SKIC2: variants seen among roughly 807,000 people sequenced by gnomAD.
The protein encoded by SKIC2 is superkiller complex protein 2.
At chr6:31,968,554 G>T in the SKIC2 span, 2 of 1,604,814 alleles carry the variant, frequency 1.2e-6, no homozygotes, top group South Asian at 1.1e-5. This position sits in a 1 kb window ranked among gnomAD's most constrained non-coding sequence, Gnocchi z 6.1. Flanking sequence ...ACCCTGGGTG[G>T]TAACTCCCAA....
chr6:31,963,840 G>A, the SKIC2 span: 1 of 1,483,796 alleles, frequency 6.7e-7, no homozygotes, highest in East Asian at 2.3e-5. This position sits in a 1 kb window ranked among gnomAD's most constrained non-coding sequence, Gnocchi z 5.3. Flanking sequence ...CACTGCCCCA[G>A]TTAACACTAG....
the SKIC2 span, chr6:31,962,978 T>C: frequency 8.7e-6 from 14 of 1,601,380 alleles, no homozygotes; most frequent in South Asian, 1.4e-4. The surrounding 1 kb of genome is among the most constrained non-coding windows in gnomAD (Gnocchi z 5.0). Flanking sequence ...TCCCTCTCTG[T>C]GCCCAGCGTG....
chr6:31,963,721 G>A, the SKIC2 span: 3 of 1,546,236 alleles, frequency 1.9e-6, no homozygotes, highest in African/African-American at 1.4e-5. The surrounding 1 kb of genome is among the most constrained non-coding windows in gnomAD (Gnocchi z 5.3). Context: ...CACATCAGGG[G>A]GGCCCTGCAC....
At chr6:31,969,145 C>G in the SKIC2 span, 4 of 1,567,224 alleles carry the variant, frequency 2.6e-6, no homozygotes, top group Non-Finnish European at 2.6e-6. This position sits in a 1 kb window ranked among gnomAD's most constrained non-coding sequence, Gnocchi z 6.1. Flanking sequence ...TGACCTTCAC[C>G]TTCAGGTAGT....
At chr6:31,961,330 T>G in the SKIC2 span, 1 of 1,591,478 alleles carries the variant, frequency 6.3e-7, no homozygotes, top group Non-Finnish European at 8.5e-7. Flanking sequence ...TGTTTCAGCC[T>G]CTCCCTGCAG....
chr6:31,965,471 C>T, the SKIC2 span, among the ~76,000 whole-genome samples: 6 of 152,112 alleles, frequency 3.9e-5, no homozygotes, highest in African/African-American at 1.2e-4. This position sits in a 1 kb window ranked among gnomAD's most constrained non-coding sequence, Gnocchi z 5.6. Flanking sequence ...TACAAGCTCA[C>T]AAAAGAAGAC....
chr6:31,968,102 C>G, the SKIC2 span: 2,061 of 1,612,188 alleles, frequency 1.3e-3, 2 homozygotes, highest in Non-Finnish European at 1.6e-3. This position sits in a 1 kb window ranked among gnomAD's most constrained non-coding sequence, Gnocchi z 6.1. Flanking sequence ...GCTAGGGAGG[C>G]CCTTCTCCTC....
the SKIC2 span, chr6:31,959,552 G>A: frequency 3.1e-6 from 2 of 636,324 alleles, no homozygotes; most frequent in Non-Finnish European, 5.6e-6. Context: ...ACAGCCCAGT[G>A]TACCTGCAGT....
chr6:31,967,951 C>G, the SKIC2 span: 1 of 1,613,100 alleles, frequency 6.2e-7, no homozygotes, highest in Non-Finnish European at 8.5e-7. The surrounding 1 kb of genome is among the most constrained non-coding windows in gnomAD (Gnocchi z 4.9). Context: ...CTCCCCTTTT[C>G]ACAGGGCCTT....
the SKIC2 span, chr6:31,963,630 GC>G: frequency 6.5e-7 from 1 of 1,536,816 alleles, no homozygotes; most frequent in Non-Finnish European, 8.7e-7. The surrounding 1 kb of genome is among the most constrained non-coding windows in gnomAD (Gnocchi z 5.3). Context: ...CCCTCCCTGT[GC>G]CCCAGGTACT....
chr6:31,969,177 C>T, the SKIC2 span: 1 of 1,548,676 alleles, frequency 6.5e-7, no homozygotes. The surrounding 1 kb of genome is among the most constrained non-coding windows in gnomAD (Gnocchi z 6.1). Flanking sequence ...CCCCCTCCAG[C>T]CCTGTAAGTG....
chr6:31,962,313 C>A, the SKIC2 span: 1 of 1,113,180 alleles, frequency 9.0e-7, no homozygotes, highest in Non-Finnish European at 1.4e-6. This position sits in a 1 kb window ranked among gnomAD's most constrained non-coding sequence, Gnocchi z 5.0. Context: ...AATGTAAGGG[C>A]AGTTTGGGTG....
At chr6:31,960,928 A>T in the SKIC2 span, 1 of 944,050 alleles carries the variant, frequency 1.1e-6, no homozygotes, top group Non-Finnish European at 1.7e-6. Flanking sequence ...GTGTCATAGC[A>T]AACATCCCTA....
the SKIC2 span, chr6:31,965,880 G>A: frequency 2.3e-5 from 37 of 1,612,880 alleles, no homozygotes; most frequent in Admixed American, 3.3e-5. This position sits in a 1 kb window ranked among gnomAD's most constrained non-coding sequence, Gnocchi z 5.6. Context: ...TCCACCTTCC[G>A]GGACCTGCTC....
At chr6:31,963,014 C>T in the SKIC2 span, 6 of 1,612,532 alleles carry the variant, frequency 3.7e-6, no homozygotes, top group African/African-American at 6.7e-5. The surrounding 1 kb of genome is among the most constrained non-coding windows in gnomAD (Gnocchi z 5.3). Context: ...AGGTGCTTAT[C>T]ATGCTACCTG....
the SKIC2 span, chr6:31,962,550 G>A: frequency 6.2e-7 from 1 of 1,614,058 alleles, no homozygotes; most frequent in South Asian, 1.1e-5. The surrounding 1 kb of genome is among the most constrained non-coding windows in gnomAD (Gnocchi z 5.0). Context: ...TGCATCCGGA[G>A]GCCTCCTGCC....
chr6:31,962,485 C>G, the SKIC2 span: 5 of 1,614,126 alleles, frequency 3.1e-6, no homozygotes, highest in Non-Finnish European at 4.2e-6. The surrounding 1 kb of genome is among the most constrained non-coding windows in gnomAD (Gnocchi z 5.0). Context: ...CCAGAAGTTC[C>G]GGGACTTCCG....
At chr6:31,967,518 C>A in the SKIC2 span, 1 of 798,016 alleles carries the variant, frequency 1.3e-6, no homozygotes, top group Non-Finnish European at 2.1e-6. This position sits in a 1 kb window ranked among gnomAD's most constrained non-coding sequence, Gnocchi z 4.9. Context: ...CTCTCCCTTC[C>A]CATCACCACA....
the SKIC2 span, chr6:31,961,197 T>C: frequency 6.2e-7 from 1 of 1,614,082 alleles, no homozygotes; most frequent in South Asian, 1.1e-5. Context: ...GCTCCTCAGA[T>C]TGTCCAACTC....
Sources: gnomAD v4.1 joint callset for allele counts (sites outside exome capture counted in the v4.1 genomes callset) on GRCh38, gnomAD v4.1.1 for gene constraint, Gnocchi (gnomAD v3.1) non-coding constraint, MANE v1.5 for transcripts, NCBI Gene and HGNC (gene_info 2026-07-23, HGNC 2026-07-21) for gene names.